Variants in INSC observed in about 807,000 individuals in gnomAD.
INSC encodes the protein INSC spindle orientation adaptor protein, also known as protein inscuteable homolog.
In INSC, 67 loss-of-function variants were observed where a neutral mutation model predicts 58.6. The ratio of observed to expected loss-of-function variants is 1.14; its 90% CI spans 0.94 to 1.40. The LOEUF (loss-of-function observed/expected upper bound fraction) is 1.40, where lower values mean the gene tolerates loss of function less well. Ranked by LOEUF, INSC falls within the 40% of genes most tolerant of loss-of-function variation. The pLI, the probability that INSC is intolerant of heterozygous loss-of-function variation, is 0.00. For missense variants in INSC, 714 were observed against 692.0 expected (o/e 1.03, Z -0.36); for synonymous variants, 262 against 276.1 (o/e 0.95, Z 0.51).
In INSC at chr11:15,174,390, T is replaced by C. The variant is rs144907675; in HGVS notation, c.57-1351T>C. Among the ~76,000 whole-genome samples the C allele has an allele frequency of 5.1e-3, 778 of 152,332 alleles. 5 individuals carry two copies. The highest frequency in any genetic ancestry group is 0.018 in the African/African-American group (733 of 41,564). ...TTCTCTTTTCCTTCCTAGCATTTGC[T>C]ACTTGCAACATATTACATACATTGC... On this transcript the variant is annotated intron_variant, in intron 2 of 12. Coordinates refer to ENST00000379556, the MANE Select transcript of INSC (RefSeq NM_001042536.3).
chr11:15,186,819 C>T (rs768349580), intron 5 of INSC, among the ~76,000 whole-genome samples: 2 of 152,122 alleles, frequency 1.3e-5, no homozygotes, highest in Non-Finnish European at 2.9e-5. Context: ...TCGAATAGTT[C>T]ATGATGATCT....
chr11:15,262,338 A>C, the INSC span, among the ~76,000 whole-genome samples: 1 of 152,260 alleles, frequency 6.6e-6, no homozygotes. Context: ...AAAATCCATG[A>C]GGCAAGTTTT....
intron 2 of INSC, among the ~76,000 whole-genome samples, chr11:15,155,193 A>G (rs1590371212): frequency 6.6e-6 from 1 of 152,054 alleles, no homozygotes; most frequent in Non-Finnish European, 1.5e-5. Context: ...GCAACTTGCC[A>G]TTTTCCCAAC....
chr11:15,248,008 TC>T (rs1438058858), downstream of INSC, among the ~76,000 whole-genome samples: 1 of 152,142 alleles, frequency 6.6e-6, no homozygotes, highest in Non-Finnish European at 1.5e-5. Context: ...CCACAGTTTG[TC>T]AATTGTTCTT....
At chr11:15,114,692 G>A (rs1847647558), upstream of INSC, among the ~76,000 whole-genome samples, 1 of 152,198 alleles carries the variant, frequency 6.6e-6, no homozygotes, top group African/African-American at 2.4e-5. Context: ...TCCTGCAGAT[G>A]GGAGGGAGGG....
intron 2 of INSC, among the ~76,000 whole-genome samples, chr11:15,157,730 A>C (rs1848864701): frequency 6.6e-6 from 1 of 152,272 alleles, no homozygotes; most frequent in African/African-American, 2.4e-5. Context: ...AAAATTGAGA[A>C]GGGCACTTAT....
chr11:15,184,653 C>T (rs1343870303), intron 5 of INSC: 14 of 152,286 alleles, frequency 9.2e-5, no homozygotes, highest in Admixed American at 9.2e-4. Context: ...CTCGGCCTCA[C>T]CAAGTGCTGG....
chr11:15,267,348 T>C, the INSC span, among the ~76,000 whole-genome samples: 1 of 152,032 alleles, frequency 6.6e-6, no homozygotes, highest in Non-Finnish European at 1.5e-5. Context: ...CATTCTTCTC[T>C]CACTCAAGGA....
chr11:15,163,679 C>T (rs4757296), intron 2 of INSC, among the ~76,000 whole-genome samples: 36,303 of 152,108 alleles, frequency 0.24, 5,730 homozygotes, highest in Non-Finnish European at 0.36. Context: ...CTGCAACCTC[C>T]GCTTCCTGGG....
chr11:15,134,766 C>T (rs866003996), intron 1 of INSC, among the ~76,000 whole-genome samples: 2 of 152,062 alleles, frequency 1.3e-5, no homozygotes, highest in African/African-American at 2.4e-5. Flanking sequence ...TTGCTTACCC[C>T]GCAGATTGAT....
intron 3 of INSC, 105 bp downstream of exon 3, chr11:15,176,191 C>G (rs1262894479): frequency 1.4e-5 from 12 of 877,384 alleles, no homozygotes; most frequent in African/African-American, 1.7e-5. Flanking sequence ...GCTCCAGAAG[C>G]CTTTCTCCCC....
At chr11:15,154,874 A>G (rs1282445386) in intron 2 of INSC, among the ~76,000 whole-genome samples, 1 of 152,198 alleles carries the variant, frequency 6.6e-6, no homozygotes, top group Non-Finnish European at 1.5e-5. Context: ...GACTAAAACA[A>G]GTTCTTCCCA....
At chr11:15,197,245 AAG>A (rs1176493095) in intron 6 of INSC, among the ~76,000 whole-genome samples, 1 of 152,226 alleles carries the variant, frequency 6.6e-6, no homozygotes, top group Non-Finnish European at 1.5e-5. Context: ...TTTCAGGTCC[AAG>A]GGATGGAGCA....
chr11:15,201,668 G>A (rs879850325), intron 7 of INSC, among the ~76,000 whole-genome samples: 6 of 152,210 alleles, frequency 3.9e-5, no homozygotes, highest in African/African-American at 1.4e-4. Flanking sequence ...CCAGCCAGGA[G>A]AGCTGGGGAG....
intron 7 of INSC, among the ~76,000 whole-genome samples, chr11:15,209,090 G>T (rs534230315): frequency 6.6e-6 from 1 of 152,286 alleles, no homozygotes; most frequent in East Asian, 1.9e-4. Context: ...TCTTGGAGTG[G>T]AAATCTTCCT....
At chr11:15,245,279 C>A (rs1487444441) in intron 12 of INSC, among the ~76,000 whole-genome samples, 2 of 152,072 alleles carry the variant, frequency 1.3e-5, no homozygotes, top group Non-Finnish European at 2.9e-5. Context: ...GAAGTCACTT[C>A]AAGTCACAAG....
At chr11:15,146,386 G>C (rs1848492086) in intron 1 of INSC, among the ~76,000 whole-genome samples, 1 of 152,180 alleles carries the variant, frequency 6.6e-6, no homozygotes, top group African/African-American at 2.4e-5. Context: ...TTGGGGCAAA[G>C]AGGCAGCCAA....
At chr11:15,221,247 T>A (rs1367049599) in intron 7 of INSC, among the ~76,000 whole-genome samples, 1 of 152,040 alleles carries the variant, frequency 6.6e-6, no homozygotes, top group Non-Finnish European at 1.5e-5. Context: ...CATGAAAGGT[T>A]ACTGATCTCT....
At position 15,212,827 on chromosome 11, in the gene INSC, C is replaced by A. The variant is rs1036417611; in HGVS notation, c.820-8650C>A. Among the ~76,000 whole-genome samples the A allele has an allele frequency of 7.2e-5, 11 of 152,248 alleles. No individual in the cohort carries two copies. The East Asian group carries it at 2.1e-3, about 29-fold the overall frequency. On this transcript the variant is annotated intron_variant, in intron 7 of 12. Transcript: ENST00000379556. ...TACTTTTTCAATCCTTCTATTTTTG[C>A]ATATCTTGTCTGATTGCATTGGGCA... is the stretch of plus-strand genomic sequence containing the variant.
Sources: allele counts gnomAD v4.1 joint callset (sites outside exome capture counted in the v4.1 genomes callset), GRCh38; gene constraint gnomAD v4.1.1; transcripts MANE v1.5; gene names NCBI Gene and HGNC (gene_info 2026-07-23, HGNC 2026-07-21).